The following OR8D1 variants were observed in gnomAD, a reference collection of about 807,000 sequenced individuals.
OR8D1 encodes olfactory receptor 8D1.
For missense variants in OR8D1, 384 were observed against 366.8 expected (o/e 1.05, Z -0.38); for synonymous variants, 143 against 147.0 (o/e 0.97, Z 0.20).
In OR8D1 at chr11:124,309,014, A is replaced by G. The variant is rs942961719; in HGVS notation, c.*826T>C. On this transcript the variant is annotated 3_prime_UTR_variant, in exon 3 of 3. Transcript: ENST00000641015. ...ACTGTAAGGTCACATGCTCAAAAACATGGACCACAGCTTCAGTTCAGGAAT... is the reference window on the plus strand; with the variant it reads ...ACTGTAAGGTCACATGCTCAAAAACGTGGACCACAGCTTCAGTTCAGGAAT... 8 of 152,120 alleles carry G rather than the reference A, an allele frequency of 5.3e-5. No homozygotes were observed. The highest frequency in any genetic ancestry group is 1.7e-4 in the African/African-American group (7 of 41,446). 9.4% of individuals were successfully genotyped at this position (152,120 alleles called of 1,614,324 possible).
chr11:124,304,183 C>A lies in OR8D1; in HGVS notation c.*5657G>T, dbSNP rs1201181944. The stretch of plus-strand genomic sequence containing the variant: ...TGAGAAAGTTTTTTTGTGTTTATAT[C>A]CAGTATGAGTATTTACTTCTTCCAA... On this transcript the variant is annotated 3_prime_UTR_variant, in exon 3 of 3. Coordinates refer to ENST00000641015, the MANE Select transcript of OR8D1 (RefSeq NM_001002917.2). 1 of 151,826 alleles carries A rather than the reference C, an allele frequency of 6.6e-6. No individual in the cohort carries two copies. Among genetic ancestry groups the A allele is most frequent in the African/African-American group, 2.4e-5 (1 of 41,376 alleles). 9.4% of individuals were successfully genotyped at this position (151,826 alleles called of 1,614,324 possible).
chr11:124,309,921 G>A lies in OR8D1; in HGVS notation c.846C>T (p.Ile282=), dbSNP rs914076468. The change falls in exon 3 of 3, where the codon ATC becomes ATT. Residue 282 remains isoleucine (I), a synonymous_variant. Transcript: ENST00000641015. ...KVSSVFYTTV[I]PMLNPLIYSL... is the part of the protein sequence containing the mutation. ...TGTATATTAAAGGGTTCAGCATGGG[G>A]ATCACCGTGGTGTAGAACACAGAGG... 2 of 1,528,260 alleles carry A rather than the reference G, an allele frequency of 1.3e-6. No individual in the cohort carries two copies. Among genetic ancestry groups the A allele is most frequent in the South Asian group, 1.3e-5 (1 of 75,750 alleles). The allele number at this position is 1,528,260 out of a possible 1,614,324, so 94.7% of individuals were successfully genotyped here.
chr11:124,310,188 G>A lies in OR8D1; in HGVS notation c.579C>T (p.His193=). The change falls in exon 3 of 3, where the codon CAC becomes CAT. Residue 193 remains histidine, a synonymous_variant. Transcript: ENST00000641015. ...PLLNLSCSNT[H]LNELLLFIIA... is the part of the protein sequence containing the mutation. ...TGATAAAAAGTAGAAGCTCATTGAGGTGTGTGTTGGAGCAGGAGAGATTGA... is the reference window on the plus strand; with the variant it reads ...TGATAAAAAGTAGAAGCTCATTGAGATGTGTGTTGGAGCAGGAGAGATTGA... 1 of 1,613,694 alleles carries A rather than the reference G, an allele frequency of 6.2e-7. No individual in the cohort carries two copies. The highest frequency in any genetic ancestry group is 1.1e-5 in the South Asian group (1 of 91,080).
rs1862381372 is a variant in OR8D1, at chr11:124,307,909, G to A, written c.*1931C>T. ...TTGGAGCTTTCCCTTTAAAGGGGTG[G>A]TAGATTTCACTCATGAACCAAAAAA... On this transcript the variant is annotated 3_prime_UTR_variant, in exon 3 of 3. Transcript: ENST00000641015. 2 of 151,816 alleles carry A rather than the reference G, an allele frequency of 1.3e-5. No individual in the cohort carries two copies. Among genetic ancestry groups the A allele is most frequent in the Admixed American group, 6.6e-5 (1 of 15,188 alleles). 9.4% of individuals were successfully genotyped at this position (151,816 alleles called of 1,614,324 possible).
rs756606113 is a variant in OR8D1, at chr11:124,309,896, T to C, written c.871A>G (p.Ser291Gly). 6.6e-6 allele frequency: 10 copies of C among 1,504,734 alleles called. No individual in the cohort carries two copies. In the South Asian group the frequency reaches 1.1e-4, roughly 17 times the overall value. 93.2% of individuals were successfully genotyped at this position (1,504,734 alleles called of 1,614,324 possible). A position where few individuals can be genotyped will look rare whatever the true frequency, so the allele number is the denominator to read the frequency against. ...VIPMLNPLIY[S>G]LRNKDVKKAL... Reference sequence around the variant, plus strand: ...TTCTTCACATCCTTATTCCTCAGACTGTATATTAAAGGGTTCAGCATGGGG... The same window carrying C: ...TTCTTCACATCCTTATTCCTCAGACCGTATATTAAAGGGTTCAGCATGGGG... Residue 291 changes from serine to glycine, a missense_variant, in exon 3 of 3, where the codon AGT (serine) becomes GGT (glycine). Ser to Gly is a moderately conservative substitution (Grantham distance 56). Transcript: ENST00000641015.
Position 124,310,072 on chromosome 11 carries a change from T to A in OR8D1, c.695A>T (p.Glu232Val). 6.2e-7 allele frequency: 1 copy of A among 1,613,558 alleles called. No homozygotes were observed. The highest frequency in any genetic ancestry group is 1.7e-5 in the Admixed American group (1 of 59,954). ...TGTTCCAAAAGCTTTGGACCGGCCC[T>A]CTGAGGAGCGGATGTGAAGGATGCT... ...LYSILHIRSSEGRSKAFGTCS... is the reference protein window; with the variant it reads ...LYSILHIRSSVGRSKAFGTCS... The change falls in exon 3 of 3, where the codon GAG becomes GTG. Residue 232 changes from glutamate (E) to valine (V), a missense_variant. By Grantham distance (121) the Glu-to-Val change is moderately radical. Transcript: ENST00000641015.
At chr11:124,312,154 T>C (rs535790748) in intron 1 of OR8D1, among the ~76,000 whole-genome samples, 1 of 152,326 alleles carries the variant, frequency 6.6e-6, no homozygotes, top group African/African-American at 2.4e-5. Context: ...GCACATATTG[T>C]TAAATACAAT....
intron 2 of OR8D1, 37 bp downstream of exon 2, chr11:124,311,535 C>G (rs1277180387): frequency 1.3e-5 from 2 of 152,324 alleles, no homozygotes; most frequent in South Asian, 2.1e-4. Context: ...CTACTTCCCC[C>G]CTGACTTACG....
Position 124,310,400 on chromosome 11 carries a change from A to C in OR8D1, c.367T>G (p.Tyr123Asp). Residue 123 changes from tyrosine to aspartate, a missense_variant, in exon 3 of 3, where the codon TAT (tyrosine) becomes GAT (aspartate). Coordinates refer to ENST00000641015, the MANE Select transcript of OR8D1 (RefSeq NM_001002917.2). ...YLLTAMAYDR[Y>D]VAICSPLLYN... The stretch of plus-strand genomic sequence containing the variant: ...AGCAGTGGGCTACAGATGGCAACAT[A>C]GCGATCATATGCCATGGCAGTCAGG... The C allele has an allele frequency of 6.2e-7, 1 of 1,613,570 alleles. No individual in the cohort carries two copies. The highest frequency in any genetic ancestry group is 2.2e-5 in the East Asian group (1 of 44,692).
rs528177121 is a variant in OR8D1 at position 124,306,330 on chromosome 11, A to C, written c.*3510T>G. On this transcript the variant is annotated 3_prime_UTR_variant, in exon 3 of 3. Transcript: ENST00000641015. Reference sequence around the variant, plus strand: ...GGTAAATAAGTATATGACTTATTTTATTTGAATTTTTATTTTTAGTATGGT... The same window carrying C: ...GGTAAATAAGTATATGACTTATTTTCTTTGAATTTTTATTTTTAGTATGGT... 1 of 149,718 alleles carries C rather than the reference A, an allele frequency of 6.7e-6. No individual in the cohort carries two copies. Among genetic ancestry groups the C allele is most frequent in the South Asian group, 2.1e-4 (1 of 4,790 alleles). 9.3% of individuals were successfully genotyped at this position (149,718 alleles called of 1,614,324 possible).
rs1862369749 is a variant in OR8D1 at position 124,306,450 on chromosome 11, T to C, written c.*3390A>G. The C allele has an allele frequency of 6.7e-6, 1 of 150,148 alleles. No individual in the cohort carries two copies. Among genetic ancestry groups the C allele is most frequent in the African/African-American group, 2.4e-5 (1 of 41,152 alleles). The allele number at this position is 150,148 out of a possible 1,614,324, so 9.3% of individuals were successfully genotyped here. On this transcript the variant is annotated 3_prime_UTR_variant, in exon 3 of 3. Coordinates refer to ENST00000641015, the MANE Select transcript of OR8D1 (RefSeq NM_001002917.2). ...AGTGAAACTTCTGCATACTTTTCTATGGGATATTAATCTTTTTTGTATTAA... is the reference window on the plus strand; with the variant it reads ...AGTGAAACTTCTGCATACTTTTCTACGGGATATTAATCTTTTTTGTATTAA...
In OR8D1 at chr11:124,308,453, A is replaced by T. The variant is rs1019922017; in HGVS notation, c.*1387T>A. 1 of 152,060 alleles carries T rather than the reference A, an allele frequency of 6.6e-6. No homozygotes were observed. Among genetic ancestry groups the T allele is most frequent in the Non-Finnish European group, 1.5e-5 (1 of 67,986 alleles). 9.4% of individuals were successfully genotyped at this position (152,060 alleles called of 1,614,324 possible). ...TAGAGCAAGGCATACAGAAGAGAAG[A>T]TGTATTAAGGGGAAGGTGAGCAAGG... On this transcript the variant is annotated 3_prime_UTR_variant, in exon 3 of 3. Coordinates refer to ENST00000641015, the MANE Select transcript of OR8D1 (RefSeq NM_001002917.2).
intron 1 of OR8D1, among the ~76,000 whole-genome samples, chr11:124,312,627 C>T (rs1862432606): frequency 6.6e-6 from 1 of 150,750 alleles, no homozygotes; most frequent in Admixed American, 6.6e-5. Context: ...AAGCAATTCT[C>T]CTGTCTAAGC....
At position 124,307,069 on chromosome 11, in the gene OR8D1, G is replaced by C. The variant is rs953202902; in HGVS notation, c.*2771C>G. On this transcript the variant is annotated 3_prime_UTR_variant, in exon 3 of 3. Transcript: ENST00000641015. Reference sequence around the variant, plus strand: ...TTTCTATGGTTCAAGTGGCAATTTTGTCTAATGCTAGAGCTTGGTATTAAG... The same window carrying C: ...TTTCTATGGTTCAAGTGGCAATTTTCTCTAATGCTAGAGCTTGGTATTAAG... 9 of 152,110 alleles carry C rather than the reference G, an allele frequency of 5.9e-5. No homozygotes were observed. In the South Asian group the frequency reaches 1.0e-3, roughly 18 times the overall value. 9.4% of individuals were successfully genotyped at this position (152,110 alleles called of 1,614,324 possible).
chr11:124,311,653 G>T lies in OR8D1; in HGVS notation c.-98C>A, dbSNP rs4936920. The T allele has an allele frequency of 1.3e-5, 2 of 151,954 alleles. No homozygotes were observed. Among genetic ancestry groups the T allele is most frequent in the African/African-American group, 4.8e-5 (2 of 41,362 alleles). 9.4% of individuals were successfully genotyped at this position (151,954 alleles called of 1,614,324 possible). ...GTGTAAATCTTGAACTTTCCAAAGCGTGGTACCCTTGGTGGTTTGGGCCCT... is the reference window on the plus strand; with the variant it reads ...GTGTAAATCTTGAACTTTCCAAAGCTTGGTACCCTTGGTGGTTTGGGCCCT... On this transcript the variant is annotated 5_prime_UTR_variant, in exon 2 of 3. Coordinates refer to ENST00000641015, the MANE Select transcript of OR8D1 (RefSeq NM_001002917.2).
chr11:124,306,421 T>C lies in OR8D1; in HGVS notation c.*3419A>G, dbSNP rs1862369456. On this transcript the variant is annotated 3_prime_UTR_variant, in exon 3 of 3. Coordinates refer to ENST00000641015, the MANE Select transcript of OR8D1 (RefSeq NM_001002917.2). ...TATATATATAATATTCATATAATAT[T>C]CACAGTGAAACTTCTGCATACTTTT... The C allele has an allele frequency of 6.7e-6, 1 of 149,188 alleles. No individual in the cohort carries two copies. The highest frequency in any genetic ancestry group is 2.4e-5 in the African/African-American group (1 of 40,986). The allele number at this position is 149,188 out of a possible 1,614,324, so 9.2% of individuals were successfully genotyped here. A position where few individuals can be genotyped will look rare whatever the true frequency, so the allele number is the denominator to read the frequency against.
chr11:124,308,750 A>T lies in OR8D1; in HGVS notation c.*1090T>A, dbSNP rs528787211. ...TTTCAGCAAACACTAATGGTTTAAT[A>T]TGTGATATAGAGTGAAGAAAACTAA... On this transcript the variant is annotated 3_prime_UTR_variant, in exon 3 of 3. Coordinates refer to ENST00000641015, the MANE Select transcript of OR8D1 (RefSeq NM_001002917.2). The T allele has an allele frequency of 6.6e-6, 1 of 152,250 alleles. No individual in the cohort carries two copies. Among genetic ancestry groups the T allele is most frequent in the East Asian group, 1.9e-4 (1 of 5,170 alleles). 9.4% of individuals were successfully genotyped at this position (152,250 alleles called of 1,614,324 possible).
chr11:124,310,589 A>C lies in OR8D1; in HGVS notation c.178T>G (p.Tyr60Asp). The change falls in exon 3 of 3, where the codon TAC becomes GAC. Residue 60 changes from tyrosine (Y) to aspartate (D), a missense_variant. Physicochemically the swap from Tyr to Asp is radical, Grantham distance 160 (BLOSUM62 -3). Coordinates refer to ENST00000641015, the MANE Select transcript of OR8D1 (RefSeq NM_001002917.2). Reference protein sequence around the residue: ...AVSPLLHTPMYYFLSSLSFVD... With the variant: ...AVSPLLHTPMDYFLSSLSFVD... ...AAGGACAAGCTGCTGAGGAAATAGT[A>C]CATGGGGGTGTGAAGTAGAGGGCTG... The C allele has an allele frequency of 6.2e-7, 1 of 1,613,982 alleles. No homozygotes were observed. The highest frequency in any genetic ancestry group is 8.5e-7 in the Non-Finnish European group (1 of 1,179,934).
chr11:124,310,162 A>G lies in OR8D1; in HGVS notation c.605T>C (p.Ile202Thr), dbSNP rs1295271646. The change falls in exon 3 of 3, where the codon ATT becomes ACT. Residue 202 changes from isoleucine (I) to threonine (T), a missense_variant. Physicochemically the swap from Ile to Thr is moderately conservative, Grantham distance 89 (BLOSUM62 -1). Transcript: ENST00000641015. Reference sequence around the variant, plus strand: ...GGGCACCAAGGTGTTAAACCCCGCAATGATAAAAAGTAGAAGCTCATTGAG... The same window carrying G: ...GGGCACCAAGGTGTTAAACCCCGCAGTGATAAAAAGTAGAAGCTCATTGAG... ...THLNELLLFIIAGFNTLVPTL... is the reference protein window; with the variant it reads ...THLNELLLFITAGFNTLVPTL... The G allele has an allele frequency of 2.5e-6, 4 of 1,613,704 alleles. No individual in the cohort carries two copies. Among genetic ancestry groups the G allele is most frequent in the Non-Finnish European group, 3.4e-6 (4 of 1,179,880 alleles).
Sources: gnomAD v4.1 joint callset for allele counts (sites outside exome capture counted in the v4.1 genomes callset) on GRCh38, gnomAD v4.1.1 for gene constraint, MANE v1.5 for transcripts, NCBI Gene and HGNC (gene_info 2026-07-23, HGNC 2026-07-21) for gene names.